Variants in AKAP12 observed in about 807,000 individuals in gnomAD.
AKAP12 encodes A-kinase anchoring protein 12.
AKAP12 carries 32 observed loss-of-function variants against 79.9 expected under a neutral mutation model. That is an observed-to-expected ratio of 0.40 (90% CI 0.30 to 0.54). The LOEUF is 0.54. AKAP12 is among the 20% of genes least tolerant of loss of function. The probability of loss-of-function intolerance (pLI) is 0.48; values close to 1 mark genes in which losing one functional copy is unlikely to be tolerated. For synonymous variants in AKAP12, 808 were observed against 857.0 expected (o/e 0.94, Z 1.00); for missense variants, 2,074 against 2,177.0 (o/e 0.95, Z 0.94).
chr6:151,309,118 G>C (rs548083256), intron 3 of AKAP12, among the ~76,000 whole-genome samples: 1 of 152,058 alleles, frequency 6.6e-6, no homozygotes, highest in Non-Finnish European at 1.5e-5. Flanking sequence ...CAGGTGATCC[G>C]CCTGCCTCGG....
intron 2 of AKAP12, among the ~76,000 whole-genome samples, chr6:151,293,814 T>C (rs907204282): frequency 1.3e-5 from 2 of 152,196 alleles, no homozygotes; most frequent in African/African-American, 4.8e-5. Context: ...TCTTCTCCCC[T>C]GAGAGGACAC....
In AKAP12 at chr6:151,352,623, A is replaced by G. The variant is rs1778327591; in HGVS notation, c.4232A>G (p.Gln1411Arg). 1 of 1,614,166 alleles carries G rather than the reference A, an allele frequency of 6.2e-7. No individual in the cohort carries two copies. Residue 1411 changes from glutamine to arginine, a missense_variant, in exon 4 of 5, where the codon CAA (glutamine) becomes CGA (arginine). Gln to Arg is a conservative substitution (Grantham distance 43). Coordinates refer to ENST00000402676, the MANE Select transcript of AKAP12 (RefSeq NM_005100.4). Reference protein sequence around the residue: ...GQEEAVCTKIQVQSSEASFTL... With the variant: ...GQEEAVCTKIRVQSSEASFTL... ...GAGGAGGCAGTATGCACCAAAATTC[A>G]AGTTCAGAGCTCTGAGGCATCATTC...
At chr6:151,326,778 T>C (rs889425579) in intron 3 of AKAP12, among the ~76,000 whole-genome samples, 2 of 151,772 alleles carry the variant, frequency 1.3e-5, no homozygotes, top group Admixed American at 1.3e-4. Context: ...TCTTTAAATA[T>C]TTGAGATCAT....
intron 3 of AKAP12, among the ~76,000 whole-genome samples, chr6:151,339,480 C>A (rs564810615): frequency 2.0e-5 from 3 of 152,282 alleles, no homozygotes; most frequent in African/African-American, 7.2e-5. Context: ...TCGGAGAATT[C>A]CCATGTGTCC....
In AKAP12 at chr6:151,298,266, C is replaced by A. The variant is rs546507166; in HGVS notation, c.163-7481C>A. 2.6e-5 allele frequency among the ~76,000 whole-genome samples: 4 copies of A among 152,282 alleles called. 1 individual carries two copies. In the South Asian group the frequency reaches 8.3e-4, roughly 32 times the overall value. ...CCTAGAAAATCAGAAGGATTAGATG[C>A]CTTTGCCATTTGCCAGGTGTTATTG... On this transcript the variant is annotated intron_variant, in intron 2 of 4. Transcript: ENST00000402676.
At chr6:151,336,734 C>T (rs1278684358) in intron 3 of AKAP12, among the ~76,000 whole-genome samples, 1 of 152,170 alleles carries the variant, frequency 6.6e-6, no homozygotes, top group Non-Finnish European at 1.5e-5. Flanking sequence ...CAGAGCGAGA[C>T]TCTGTCTCAA....
intron 3 of AKAP12, among the ~76,000 whole-genome samples, chr6:151,345,322 G>A (rs918269685): frequency 4.6e-5 from 7 of 151,366 alleles, no homozygotes; most frequent in South Asian, 2.1e-4. Flanking sequence ...TGATCCGCCC[G>A]CCTCAGCCTC....
Position 151,241,076 on chromosome 6 carries a change from AG to A in AKAP12, c.162+357del, listed in dbSNP as rs2114669998. On this transcript the variant is annotated intron_variant, in intron 2 of 4. Transcript: ENST00000402676. ...AGCCCGAGGCGGAGGAGCTGCGCGG[AG>A]GGGGATCCGTGGAGAATGGACCCCG... Among the ~76,000 whole-genome samples the A allele has an allele frequency of 2.0e-5, 3 of 152,140 alleles. No homozygotes were observed. In the East Asian group the frequency reaches 5.8e-4, roughly 30 times the overall value.
intron 2 of AKAP12, among the ~76,000 whole-genome samples, chr6:151,255,107 A>G (rs1173269337): frequency 6.6e-6 from 1 of 152,224 alleles, no homozygotes; most frequent in Non-Finnish European, 1.5e-5. Flanking sequence ...CTTGTCAACA[A>G]AAATGAAGTT....
chr6:151,353,135 G>A lies in AKAP12; in HGVS notation c.4744G>A (p.Val1582Met), dbSNP rs34713284. 140,413 of 1,614,138 alleles carry A rather than the reference G, an allele frequency of 0.087. 7,052 individuals carry two copies. Among genetic ancestry groups the A allele is most frequent in the Middle Eastern group, 0.21 (1,249 of 6,062 alleles). ...LTSELQTQAH[V>M]IKADSQDAGQ... ...GTCTGAGTTACAGACACAAGCTCAC[G>A]TGATAAAAGCTGACAGCCAGGACGC... The change falls in exon 4 of 5, where the codon GTG (valine) becomes ATG (methionine). Residue 1582 changes from valine (V) to methionine (M), a missense_variant. Val to Met is a conservative substitution (Grantham distance 21). Coordinates refer to ENST00000402676, the MANE Select transcript of AKAP12 (RefSeq NM_005100.4).
intron 3 of AKAP12, chr6:151,324,520 T>G: frequency 1.5e-5 from 15 of 985,452 alleles, no homozygotes; most frequent in Non-Finnish European, 1.8e-5. Flanking sequence ...CTCTTTGCTG[T>G]GCCCACTGTG....
At chr6:151,321,720 C>T (rs1470838616) in intron 3 of AKAP12, among the ~76,000 whole-genome samples, 1 of 151,936 alleles carries the variant, frequency 6.6e-6, no homozygotes, top group African/African-American at 2.4e-5. Context: ...ATTGCTGGGT[C>T]ATATAATAAA....
intron 3 of AKAP12, among the ~76,000 whole-genome samples, chr6:151,318,815 T>C (rs567852738): frequency 1.2e-4 from 18 of 152,274 alleles, no homozygotes; most frequent in African/African-American, 3.6e-4. Context: ...TGGTGTTGCA[T>C]GCCTGTAGTT....
At chr6:151,312,762 A>C (rs1253434535) in intron 3 of AKAP12, among the ~76,000 whole-genome samples, 1 of 146,502 alleles carries the variant, frequency 6.8e-6, no homozygotes, top group Non-Finnish European at 1.5e-5. Flanking sequence ...ACTGCACTCC[A>C]GCCTAGGCTA....
At chr6:151,261,505 A>G (rs72994054) in intron 2 of AKAP12, among the ~76,000 whole-genome samples, 10,496 of 152,000 alleles carry the variant, frequency 0.069, 383 homozygotes, top group Middle Eastern at 0.15. Flanking sequence ...ACGCAAAAAT[A>G]CAACCCGTCT....
Position 151,350,950 on chromosome 6 carries a change from T to C in AKAP12, c.2559T>C (p.Asp853=), listed in dbSNP as rs746419197. 6.2e-7 allele frequency: 1 copy of C among 1,613,944 alleles called. No homozygotes were observed. The highest frequency in any genetic ancestry group is 1.1e-5 in the South Asian group (1 of 91,070). The change falls in exon 4 of 5, where the codon GAT becomes GAC. Residue 853 remains aspartate, a synonymous_variant. Coordinates refer to ENST00000402676, the MANE Select transcript of AKAP12 (RefSeq NM_005100.4). The surrounding 1 kb of genome is among the most constrained non-coding windows in gnomAD (Gnocchi z 4.8). ...CCGTGGTCCCTCTGTCTGAGTATGA[T>C]GCTGTAGAAAGGGAGAAAATGGAGG... The part of the protein sequence containing the change: ...VPAVVPLSEY[D]AVEREKMEAQ...
At chr6:151,285,973 G>A (rs1776498151) in intron 2 of AKAP12, among the ~76,000 whole-genome samples, 1 of 151,772 alleles carries the variant, frequency 6.6e-6, no homozygotes, top group African/African-American at 2.4e-5. Context: ...CGCCTCCTGA[G>A]TTCAAGCGAT....
At chr6:151,285,709 T>C (rs1410958370) in intron 2 of AKAP12, among the ~76,000 whole-genome samples, 2 of 152,034 alleles carry the variant, frequency 1.3e-5, no homozygotes, top group Non-Finnish European at 2.9e-5. Context: ...AAGAAGTCAT[T>C]TGTACAGTTT....
intron 2 of AKAP12, among the ~76,000 whole-genome samples, chr6:151,246,345 G>A (rs774506625): frequency 6.6e-5 from 10 of 152,178 alleles, no homozygotes; most frequent in African/African-American, 1.9e-4. Context: ...TTGAACCTGG[G>A]AGGGGGAGGT....
Sources: gnomAD v4.1 joint callset for allele counts (sites outside exome capture counted in the v4.1 genomes callset) on GRCh38, gnomAD v4.1.1 for gene constraint, Gnocchi (gnomAD v3.1) non-coding constraint, MANE v1.5 for transcripts, NCBI Gene and HGNC (gene_info 2026-07-23, HGNC 2026-07-21) for gene names.